PTCHD4: variants seen among roughly 807,000 people sequenced by gnomAD.
PTCHD4 encodes the protein patched domain containing 4.
Under a neutral mutation model 58.1 loss-of-function variants are expected in PTCHD4, and 33 were observed. That is an observed-to-expected ratio of 0.57 (90% confidence interval 0.43 to 0.76). The LOEUF (loss-of-function observed/expected upper bound fraction) is 0.76, where lower values mean the gene tolerates loss of function less well. Among genes scored for constraint, PTCHD4 ranks in the 30% least tolerant of loss-of-function variants. PTCHD4 has a pLI of 0.00. For synonymous variants in PTCHD4, 478 were observed against 409.6 expected (o/e 1.17, Z -2.02); for missense variants, 1,058 against 1,027.1 (o/e 1.03, Z -0.41).
At chr6:47,928,907 G>C (rs1017388118) in intron 4 of PTCHD4, among the ~76,000 whole-genome samples, 3 of 152,170 alleles carry the variant, frequency 2.0e-5, no homozygotes, top group Non-Finnish European at 4.4e-5. Flanking sequence ...TGGTGCTTGT[G>C]AGGAGAAGTA....
chr6:48,049,035 C>G (rs573649080), intron 3 of PTCHD4, among the ~76,000 whole-genome samples: 1 of 152,070 alleles, frequency 6.6e-6, no homozygotes, highest in South Asian at 2.1e-4. Flanking sequence ...AGACGATTTT[C>G]TTGATGGCTT....
rs1763941911 is a variant in PTCHD4, at chr6:47,879,208, T to C, written c.1627A>G (p.Thr543Ala). 1.2e-6 allele frequency: 2 copies of C among 1,613,002 alleles called. No homozygotes were observed. The highest frequency in any genetic ancestry group is 2.2e-5 in the South Asian group (2 of 91,056). ...DDLRRLCSGF[T>A]AVSWVEQYYQ... ...TACTGCTCCACCCAGGACACTGCAGTGAATCCACTACAGAGTCTTCTTAGG... is the reference window on the plus strand; with the variant it reads ...TACTGCTCCACCCAGGACACTGCAGCGAATCCACTACAGAGTCTTCTTAGG... The change falls in exon 5 of 5, where the codon ACT becomes GCT. Residue 543 changes from threonine (T) to alanine (A), a missense_variant. Thr to Ala is a moderately conservative substitution (Grantham distance 58). Coordinates refer to ENST00000339488, the MANE Select transcript of PTCHD4 (RefSeq NM_001384253.1).
At chr6:48,039,906 C>T (rs535830823) in intron 3 of PTCHD4, among the ~76,000 whole-genome samples, 4 of 152,132 alleles carry the variant, frequency 2.6e-5, no homozygotes, top group Admixed American at 1.3e-4. Flanking sequence ...ATAGTCCTGG[C>T]CAGTTCTTCT....
chr6:47,894,034 C>T (rs1764457221), intron 4 of PTCHD4, among the ~76,000 whole-genome samples: 1 of 152,172 alleles, frequency 6.6e-6, no homozygotes, highest in South Asian at 2.1e-4. Flanking sequence ...AACAGCAAAC[C>T]ATTCACACTC....
chr6:47,921,283 G>A (rs1031970767), intron 4 of PTCHD4, among the ~76,000 whole-genome samples: 1 of 151,964 alleles, frequency 6.6e-6, no homozygotes, highest in African/African-American at 2.4e-5. Flanking sequence ...TACGCTTTTG[G>A]TTAATAGTAC....
chr6:48,008,721 T>C lies in PTCHD4; in HGVS notation c.811A>G (p.Ile271Val). ...LGLLGVLTVC[I>V]SIITAAGIFF... is the part of the protein sequence containing the mutation. ...ATCCCTGCTGCTGTGATGATGGAGA[T>C]GCATACTGTGAGCACCCCCAGGAGG... The change falls in exon 4 of 5, where the codon ATC (isoleucine) becomes GTC (valine). Residue 271 changes from isoleucine to valine, a missense_variant. Ile to Val is a conservative substitution (Grantham distance 29, BLOSUM62 3). Transcript: ENST00000339488. The C allele has an allele frequency of 1.2e-6, 2 of 1,613,884 alleles. No individual in the cohort carries two copies. Among genetic ancestry groups the C allele is most frequent in the Non-Finnish European group, 1.7e-6 (2 of 1,179,872 alleles).
chr6:47,870,877 A>G lies in PTCHD4; in HGVS notation c.*7426T>C, dbSNP rs1043036745. ...GTTTGTACTATTTTGGGAGTGATAA[A>G]TGAGGCTGTTTTCATGAATGGGATG... On this transcript the variant is annotated 3_prime_UTR_variant, in exon 5 of 5. Coordinates refer to ENST00000339488, the MANE Select transcript of PTCHD4 (RefSeq NM_001384253.1). 6.6e-6 allele frequency among the ~76,000 whole-genome samples: 1 copy of G among 151,610 alleles called. No individual in the cohort carries two copies. The highest frequency in any genetic ancestry group is 2.4e-5 in the African/African-American group (1 of 41,384).
At chr6:47,896,384 T>C (rs1488232725) in intron 4 of PTCHD4, among the ~76,000 whole-genome samples, 1 of 152,226 alleles carries the variant, frequency 6.6e-6, no homozygotes, top group Non-Finnish European at 1.5e-5. Flanking sequence ...ACTGAGTCTA[T>C]GAATGAACTA....
In PTCHD4 at chr6:47,879,860, C is replaced by T; in HGVS notation, c.975G>A (p.Arg325=). 1 of 1,604,998 alleles carries T rather than the reference C, an allele frequency of 6.2e-7. No individual in the cohort carries two copies. The change falls in exon 5 of 5, where the codon AGG becomes AGA. Residue 325 remains arginine, a synonymous_variant. Coordinates refer to ENST00000339488, the MANE Select transcript of PTCHD4 (RefSeq NM_001384253.1). The part of the protein sequence containing the change: ...RTKENLPFKD[R]IADAYSDVMV... ...TCACATCAGAATAGGCATCTGCTAT[C>T]CTGTCTTTGAAGGGCAAGTTCTCTT...
intron 4 of PTCHD4, among the ~76,000 whole-genome samples, chr6:47,985,174 A>G (rs528943917): frequency 2.9e-4 from 44 of 152,258 alleles, no homozygotes; most frequent in African/African-American, 1.0e-3. Context: ...CTCTATGTAT[A>G]GCTTCCATTC....
Position 47,896,896 on chromosome 6 carries a change from T to C in PTCHD4, c.899-16960A>G, listed in dbSNP as rs142858786. ...ACGACCAAAACCCAAATCGTCAGACTCTTACTCCAGTGTAAGGAGACTGAT... is the reference window on the plus strand; with the variant it reads ...ACGACCAAAACCCAAATCGTCAGACCCTTACTCCAGTGTAAGGAGACTGAT... On this transcript the variant is annotated intron_variant, in intron 4 of 4. Transcript: ENST00000339488. 5.8e-4 allele frequency among the ~76,000 whole-genome samples: 89 copies of C among 152,286 alleles called. No individual in the cohort carries two copies. The South Asian group carries it at 8.1e-3, about 14-fold the overall frequency.
At position 47,864,686 on chromosome 6, in the gene PTCHD4, T is replaced by A. The variant is rs199670864; in HGVS notation, c.*13617A>T. 5.6e-5 allele frequency among the ~76,000 whole-genome samples: 1 copy of A among 17,718 alleles called. No homozygotes were observed. Among genetic ancestry groups the A allele is most frequent in the Non-Finnish European group, 1.5e-4 (1 of 6,452 alleles). The allele number at this position is 17,718 out of a possible 152,430, so 11.6% of individuals were successfully genotyped here. On this transcript the variant is annotated 3_prime_UTR_variant, in exon 5 of 5. Coordinates refer to ENST00000339488, the MANE Select transcript of PTCHD4 (RefSeq NM_001384253.1). ...TCCTCACGTATTTTAGTTCTATGAC[T>A]GTAGAAGAATACAAAGAGTTCATAT...
chr6:47,893,150 A>G (rs1382613494), intron 4 of PTCHD4, among the ~76,000 whole-genome samples: 3 of 152,164 alleles, frequency 2.0e-5, no homozygotes, highest in Non-Finnish European at 2.9e-5. Flanking sequence ...AGCTGGGACT[A>G]CAGGCGTGTG....
In PTCHD4 at chr6:47,878,273, A is replaced by G. The variant is rs57120046; in HGVS notation, c.*30T>C. On this transcript the variant is annotated 3_prime_UTR_variant, in exon 5 of 5. Coordinates refer to ENST00000339488, the MANE Select transcript of PTCHD4 (RefSeq NM_001384253.1). The stretch of plus-strand genomic sequence containing the variant: ...CCCTGCATCATTGTGCAATACTGGA[A>G]AAGAAAAATAATCCACTGGTCTATA... 88,111 of 1,533,428 alleles carry G rather than the reference A, an allele frequency of 0.057. 2,669 individuals are homozygous for G. Among genetic ancestry groups the G allele is most frequent in the Middle Eastern group, 0.083 (470 of 5,638 alleles). The allele number at this position is 1,533,428 out of a possible 1,614,324, so 95.0% of individuals were successfully genotyped here.
chr6:48,022,833 C>T (rs1763112327), intron 3 of PTCHD4, among the ~76,000 whole-genome samples: 1 of 151,862 alleles, frequency 6.6e-6, no homozygotes, highest in Non-Finnish European at 1.5e-5. Flanking sequence ...TGTGTTTCAC[C>T]TGATAATTTA....
intron 4 of PTCHD4, among the ~76,000 whole-genome samples, chr6:47,958,531 A>T (rs1766957067): frequency 6.6e-6 from 1 of 152,128 alleles, no homozygotes. Context: ...TGTTAATGGG[A>T]GGGGAACACT....
chr6:47,898,196 G>A lies in PTCHD4; in HGVS notation c.899-18260C>T, dbSNP rs553692442. On this transcript the variant is annotated intron_variant, in intron 4 of 4. Transcript: ENST00000339488. ...CCTGACCTCATGATCCACCTGCCTCGGCCTCCCAAAGTGCTGGGATTACAG... is the reference window on the plus strand; with the variant it reads ...CCTGACCTCATGATCCACCTGCCTCAGCCTCCCAAAGTGCTGGGATTACAG... Among the ~76,000 whole-genome samples, 145 of 151,716 alleles carry A rather than the reference G, an allele frequency of 9.6e-4. 2 individuals carry two copies. Among genetic ancestry groups the A allele is most frequent in the Middle Eastern group, 6.8e-3 (2 of 294 alleles).
rs923960008 is a variant in PTCHD4 at position 47,877,676 on chromosome 6, T to C, written c.*627A>G. ...ATGAATCTATAAATTTGGCTAAGGT[T>C]GATTTGACTTTCTAGGGAAAAGCCA... On this transcript the variant is annotated 3_prime_UTR_variant, in exon 5 of 5. Coordinates refer to ENST00000339488, the MANE Select transcript of PTCHD4 (RefSeq NM_001384253.1). Among the ~76,000 whole-genome samples the C allele has an allele frequency of 1.1e-4, 16 of 152,056 alleles. No individual in the cohort carries two copies. Among genetic ancestry groups the C allele is most frequent in the African/African-American group, 3.9e-4 (16 of 41,428 alleles).
intron 4 of PTCHD4, among the ~76,000 whole-genome samples, chr6:47,924,518 C>T (rs1765533739): frequency 6.6e-6 from 1 of 152,034 alleles, no homozygotes; most frequent in Non-Finnish European, 1.5e-5. Context: ...TCCTTAAACT[C>T]TGTGAGTCTC....
Sources: allele counts gnomAD v4.1 joint callset (sites outside exome capture counted in the v4.1 genomes callset), GRCh38; gene constraint gnomAD v4.1.1; transcripts MANE v1.5; gene names NCBI Gene and HGNC (gene_info 2026-07-23, HGNC 2026-07-21).